Variants in TAFA1 observed in about 807,000 individuals in gnomAD.
The protein encoded by TAFA1 is chemokine-like protein TAFA-1.
In TAFA1, 4 loss-of-function variants were observed where a neutral mutation model predicts 18.5. The observed-to-expected ratio is 0.22, with a 90% CI of 0.11 to 0.49. The LOEUF (loss-of-function observed/expected upper bound fraction) is 0.49, where lower values mean the gene tolerates loss of function less well. Ranked by LOEUF, TAFA1 falls within the 20% of genes least tolerant of loss-of-function variation. The probability of loss-of-function intolerance (pLI) is 0.98; values close to 1 mark genes in which losing one functional copy is unlikely to be tolerated. For synonymous variants in TAFA1, 56 were observed against 55.2 expected, an observed-to-expected ratio of 1.01 and a Z score of -0.06; for missense variants, 147 against 169.0, an observed-to-expected ratio of 0.87 and a Z score of 0.72.
intron 2 of TAFA1, among the ~76,000 whole-genome samples, chr3:68,341,859 T>C (rs1335043604): frequency 1.3e-5 from 2 of 152,200 alleles, no homozygotes; most frequent in African/African-American, 4.8e-5. Context: ...ATCTCAGTTA[T>C]TCAGTTTGGC....
chr3:68,349,804 G>A (rs2069232711), intron 2 of TAFA1, among the ~76,000 whole-genome samples: 1 of 152,100 alleles, frequency 6.6e-6, no homozygotes, highest in Admixed American at 6.6e-5. Context: ...ATGAACATCT[G>A]ATCTAGATTA....
Position 68,132,577 on chromosome 3 carries a change from G to T in TAFA1, c.118+125833G>T, listed in dbSNP as rs530992567. 6.0e-4 allele frequency among the ~76,000 whole-genome samples: 91 copies of T among 152,198 alleles called. 1 individual carries two copies. In the South Asian group the frequency reaches 0.019, roughly 31 times the overall value. On this transcript the variant is annotated intron_variant, in intron 2 of 4. Coordinates refer to ENST00000478136, the MANE Select transcript of TAFA1 (RefSeq NM_213609.4). ...CTTAATGATCACCATTCTAACTGGC[G>T]TGAGATGGTATCTCACTGTGGTTTT...
intron 3 of TAFA1, among the ~76,000 whole-genome samples, chr3:68,532,926 G>A (rs191826451): frequency 6.6e-6 from 1 of 150,642 alleles, no homozygotes; most frequent in African/African-American, 2.4e-5. Flanking sequence ...TCTGACATAG[G>A]TCTCAATCAA....
intron 2 of TAFA1, among the ~76,000 whole-genome samples, chr3:68,302,738 G>C (rs2068328373): frequency 6.6e-6 from 1 of 152,116 alleles, no homozygotes; most frequent in African/African-American, 2.4e-5. Context: ...CTGGCCAGAA[G>C]TATGGGAGAC....
At chr3:68,370,934 G>A (rs942015572) in intron 2 of TAFA1, among the ~76,000 whole-genome samples, 4 of 151,686 alleles carry the variant, frequency 2.6e-5, no homozygotes, top group East Asian at 1.9e-4. Context: ...ACATTGCTTC[G>A]CCTTTTTTCT....
chr3:68,024,728 A>T (rs1315920092), intron 2 of TAFA1, among the ~76,000 whole-genome samples: 1 of 151,328 alleles, frequency 6.6e-6, no homozygotes, highest in Non-Finnish European at 1.5e-5. Flanking sequence ...CTCACCTCCC[A>T]TCCCTTAGGG....
At chr3:68,389,630 C>G (rs778129536) in intron 2 of TAFA1, among the ~76,000 whole-genome samples, 1 of 151,970 alleles carries the variant, frequency 6.6e-6, no homozygotes, top group African/African-American at 2.4e-5. Context: ...GCAGAGAAGG[C>G]GGGTGATTTC....
chr3:68,451,733 C>G (rs2071569399), intron 3 of TAFA1, among the ~76,000 whole-genome samples: 1 of 152,192 alleles, frequency 6.6e-6, no homozygotes, highest in East Asian at 1.9e-4. Context: ...AGATGAGACT[C>G]TCTCCACATC....
rs115287429 is a variant in TAFA1, at chr3:68,142,959, G to A, written c.118+136215G>A. Reference sequence around the variant, plus strand: ...AAAATCTTCATATATATAACATGTCGTGCCCCACTTACAGTCACAAAACCT... The same window carrying A: ...AAAATCTTCATATATATAACATGTCATGCCCCACTTACAGTCACAAAACCT... On this transcript the variant is annotated intron_variant, in intron 2 of 4. Transcript: ENST00000478136. Among the ~76,000 whole-genome samples the A allele has an allele frequency of 2.9e-3, 427 of 149,434 alleles. 3 individuals are homozygous for A. Among genetic ancestry groups the A allele is most frequent in the African/African-American group, 0.01 (406 of 40,502 alleles).
chr3:68,379,742 G>C (rs978747844), intron 2 of TAFA1, among the ~76,000 whole-genome samples: 1 of 147,198 alleles, frequency 6.8e-6, no homozygotes, highest in African/African-American at 2.5e-5. Flanking sequence ...TTTTGAGTCT[G>C]TCTCCAAAGT....
At chr3:68,521,653 A>C (rs962168377) in intron 3 of TAFA1, among the ~76,000 whole-genome samples, 1 of 152,130 alleles carries the variant, frequency 6.6e-6, no homozygotes, top group Non-Finnish European at 1.5e-5. Flanking sequence ...GTTATTTGGC[A>C]TGTGGTTTAT....
chr3:68,487,823 A>AAAAAAGG (rs2072375065), intron 3 of TAFA1, among the ~76,000 whole-genome samples: 1 of 150,244 alleles, frequency 6.7e-6, no homozygotes, highest in Non-Finnish European at 1.5e-5. Context: ...AAAAAAAAAA[A>AAAAAAGG]GGTGAAGTGA....
intron 2 of TAFA1, among the ~76,000 whole-genome samples, chr3:68,067,724 T>TTTTCC (rs1207941356): frequency 2.0e-5 from 3 of 152,080 alleles, no homozygotes; most frequent in African/African-American, 7.2e-5. Flanking sequence ...CATTCTTCCT[T>TTTTCC]TTTCCTTTCC....
intron 3 of TAFA1, among the ~76,000 whole-genome samples, chr3:68,486,539 G>T (rs2072343519): frequency 6.6e-6 from 1 of 152,166 alleles, no homozygotes; most frequent in Admixed American, 6.5e-5. Flanking sequence ...ACTGTGATTT[G>T]TGGAACGCTC....
At chr3:68,486,070 T>C (rs1217476424) in intron 3 of TAFA1, among the ~76,000 whole-genome samples, 1 of 111,424 alleles carries the variant, frequency 9.0e-6, no homozygotes, top group Non-Finnish European at 1.9e-5. Context: ...GCTAAATTTT[T>C]ATTTTTATTT....
intron 2 of TAFA1, among the ~76,000 whole-genome samples, chr3:68,290,460 C>G (rs1051044673): frequency 6.6e-6 from 1 of 152,022 alleles, no homozygotes; most frequent in African/African-American, 2.4e-5. Context: ...GGCAGTTCCC[C>G]CATGTCATAA....
chr3:68,245,368 T>C (rs567802237), intron 2 of TAFA1, among the ~76,000 whole-genome samples: 1 of 152,344 alleles, frequency 6.6e-6, no homozygotes, highest in South Asian at 2.1e-4. Context: ...TCTTTATTTA[T>C]TGAGTCTCTA....
chr3:68,320,717 C>A (rs2068685031), intron 2 of TAFA1, among the ~76,000 whole-genome samples: 1 of 152,158 alleles, frequency 6.6e-6, no homozygotes, highest in African/African-American at 2.4e-5. Context: ...AGCCAGTTTC[C>A]TGATGAAAAC....
chr3:68,038,350 G>T (rs1441686054), intron 2 of TAFA1, among the ~76,000 whole-genome samples: 1 of 152,174 alleles, frequency 6.6e-6, no homozygotes, highest in African/African-American at 2.4e-5. Flanking sequence ...TTTAGTCAAT[G>T]TTGGTGGGAA....
Sources: allele counts gnomAD v4.1 joint callset (sites outside exome capture counted in the v4.1 genomes callset), GRCh38; gene constraint gnomAD v4.1.1; transcripts MANE v1.5; gene names NCBI Gene and HGNC (gene_info 2026-07-23, HGNC 2026-07-21).